PRKN: variants seen among roughly 807,000 people sequenced by gnomAD.
The protein encoded by PRKN is parkin RBR E3 ubiquitin protein ligase.
A neutral mutation model predicts 59.5 loss-of-function variants in PRKN; 56 were observed. The ratio of observed to expected loss-of-function variants is 0.94; its 90% CI spans 0.76 to 1.18. The LOEUF is 1.18. PRKN is among the 50% of genes most tolerant of loss of function. The pLI is 0.00. For missense variants in PRKN, 657 were observed against 596.4 expected (o/e 1.10, Z -1.06); for synonymous variants, 250 against 222.1 (o/e 1.13, Z -1.12).
intron 4 of PRKN, among the ~76,000 whole-genome samples, chr6:162,105,696 G>C (rs558888445): frequency 4.6e-5 from 7 of 152,234 alleles, no homozygotes; most frequent in African/African-American, 1.2e-4. Flanking sequence ...CACTGCACCC[G>C]GCCCAGATAT....
intron 6 of PRKN, among the ~76,000 whole-genome samples, chr6:161,843,770 A>G (rs1464441858): frequency 1.3e-5 from 2 of 152,206 alleles, no homozygotes; most frequent in Non-Finnish European, 2.9e-5. Context: ...AGCCTGGGCA[A>G]CAGAGCAAGC....
chr6:162,348,345 C>G (rs1029939230), intron 2 of PRKN, among the ~76,000 whole-genome samples: 4 of 152,050 alleles, frequency 2.6e-5, no homozygotes, highest in African/African-American at 7.2e-5. Context: ...GGTCCCAGAA[C>G]AACGACCAAA....
chr6:162,181,992 C>T (rs761287840), intron 4 of PRKN, among the ~76,000 whole-genome samples: 4 of 152,156 alleles, frequency 2.6e-5, no homozygotes, highest in Admixed American at 2.6e-4. Context: ...TCCCAGAATA[C>T]GTACAAACAT....
At chr6:162,589,350 T>TA (rs1781205955) in intron 1 of PRKN, among the ~76,000 whole-genome samples, 1 of 152,086 alleles carries the variant, frequency 6.6e-6, no homozygotes, top group Non-Finnish European at 1.5e-5. Flanking sequence ...TACAAGAAAT[T>TA]TAAAAAAAAT....
chr6:162,345,093 C>A (rs891083720), intron 2 of PRKN, among the ~76,000 whole-genome samples: 1 of 152,138 alleles, frequency 6.6e-6, no homozygotes, highest in African/African-American at 2.4e-5. Context: ...ATCCCCAGGC[C>A]CCAGGGCCTC....
At chr6:162,048,143 T>C (rs1777456582) in intron 5 of PRKN, among the ~76,000 whole-genome samples, 1 of 152,060 alleles carries the variant, frequency 6.6e-6, no homozygotes, top group Admixed American at 6.6e-5. Context: ...AAAAAGAAAA[T>C]GTTATTTTAC....
intron 1 of PRKN, among the ~76,000 whole-genome samples, chr6:162,548,232 G>T (rs1012506342): frequency 6.6e-6 from 1 of 151,774 alleles, no homozygotes; most frequent in African/African-American, 2.4e-5. Context: ...GCTAATTTTT[G>T]TATTTTTAGT....
At chr6:161,684,343 A>T (rs1257953327) in intron 7 of PRKN, among the ~76,000 whole-genome samples, 1 of 152,112 alleles carries the variant, frequency 6.6e-6, no homozygotes, top group East Asian at 1.9e-4. Context: ...TGGCCTCTCA[A>T]AGTGCTGGGA....
chr6:161,659,696 G>A (rs957221747), intron 7 of PRKN, among the ~76,000 whole-genome samples: 5 of 152,110 alleles, frequency 3.3e-5, no homozygotes, highest in South Asian at 4.1e-4. Context: ...TCTCCAGGTC[G>A]GGTTTTGGAG....
At chr6:162,210,676 T>C (rs918368942) in intron 3 of PRKN, among the ~76,000 whole-genome samples, 3 of 152,154 alleles carry the variant, frequency 2.0e-5, no homozygotes, top group Non-Finnish European at 2.9e-5. Flanking sequence ...TTGATTGAAA[T>C]TTTTCTAGAA....
intron 6 of PRKN, among the ~76,000 whole-genome samples, chr6:161,797,838 G>A (rs1480186977): frequency 2.6e-5 from 4 of 152,126 alleles, no homozygotes; most frequent in African/African-American, 9.7e-5. Flanking sequence ...ATCCAGAAAA[G>A]GATTGTATAC....
intron 4 of PRKN, among the ~76,000 whole-genome samples, chr6:162,074,856 C>T (rs1439785284): frequency 6.6e-6 from 1 of 152,154 alleles, no homozygotes; most frequent in African/African-American, 2.4e-5. Context: ...CCACAAGATG[C>T]CTTCAGTTAT....
rs1374536553 is a variant in PRKN at position 162,498,423 on chromosome 6, A to T, written c.8-54950T>A. 3.6e-3 allele frequency among the ~76,000 whole-genome samples: 23 copies of T among 6,344 alleles called. No homozygotes were observed. In the South Asian group the frequency reaches 0.037, roughly 10 times the overall value. The allele number at this position is 6,344 out of a possible 152,430, so 4.2% of individuals were successfully genotyped here. ...TTTTTTTTTTTTTTTTTTGAGATGGAGTTTCTTTCCTTTTTCTTTTTTTTT... is the reference window on the plus strand; with the variant it reads ...TTTTTTTTTTTTTTTTTTGAGATGGTGTTTCTTTCCTTTTTCTTTTTTTTT... On this transcript the variant is annotated intron_variant, in intron 1 of 11. Transcript: ENST00000366898.
chr6:161,392,894 T>C (rs1398650389), intron 9 of PRKN, among the ~76,000 whole-genome samples: 3 of 152,176 alleles, frequency 2.0e-5, no homozygotes, highest in Non-Finnish European at 4.4e-5. Flanking sequence ...GTGTTGAGTA[T>C]TTACTTTTAG....
In PRKN at chr6:161,576,342, G is replaced by A. The variant is rs1446850445; in HGVS notation, c.872-6926C>T. On this transcript the variant is annotated intron_variant, in intron 7 of 11. Transcript: ENST00000366898. The surrounding 1 kb of genome is among the most constrained non-coding windows in gnomAD (Gnocchi z 4.6). ...CTCAAGATATCCTAAGCCAGTTAAGGAGAATCTTGAAGATACTCACCTTCC... is the reference window on the plus strand; with the variant it reads ...CTCAAGATATCCTAAGCCAGTTAAGAAGAATCTTGAAGATACTCACCTTCC... 6.6e-6 allele frequency among the ~76,000 whole-genome samples: 1 copy of A among 152,156 alleles called. No individual in the cohort carries two copies. Among genetic ancestry groups the A allele is most frequent in the Admixed American group, 6.5e-5 (1 of 15,274 alleles).
At chr6:162,412,406 T>C (rs1382758421) in intron 2 of PRKN, among the ~76,000 whole-genome samples, 1 of 152,004 alleles carries the variant, frequency 6.6e-6, no homozygotes, top group East Asian at 1.9e-4. Context: ...GGACTCACTG[T>C]GGACACCTAA....
intron 5 of PRKN, among the ~76,000 whole-genome samples, chr6:162,040,024 T>C (rs895180546): frequency 1.3e-5 from 2 of 152,202 alleles, no homozygotes; most frequent in African/African-American, 2.4e-5. Context: ...TGCTTGCCTC[T>C]GCTCTGCTTG....
At chr6:162,284,119 C>G (rs1781056868) in intron 2 of PRKN, among the ~76,000 whole-genome samples, 2 of 149,714 alleles carry the variant, frequency 1.3e-5, no homozygotes, top group Non-Finnish European at 3.0e-5. Flanking sequence ...CTTCTTGGCT[C>G]TTGGGCTTTC....
intron 4 of PRKN, among the ~76,000 whole-genome samples, chr6:162,140,416 A>G (rs1300162510): frequency 6.6e-6 from 1 of 152,212 alleles, no homozygotes; most frequent in East Asian, 1.9e-4. Context: ...TTGGCTGCAG[A>G]GGTATGCAGT....
Sources: allele counts gnomAD v4.1 joint callset (sites outside exome capture counted in the v4.1 genomes callset), GRCh38; gene constraint gnomAD v4.1.1; non-coding constraint Gnocchi (gnomAD v3.1); transcripts MANE v1.5; gene names NCBI Gene and HGNC (gene_info 2026-07-23, HGNC 2026-07-21).